The following SPIRE1 variants were observed in gnomAD, a reference collection of about 807,000 sequenced individuals.
The protein encoded by SPIRE1 is spire type actin nucleation factor 1.
In SPIRE1, 40 loss-of-function variants were observed where a neutral mutation model predicts 94.1. The ratio of observed to expected loss-of-function variants is 0.43; its 90% confidence interval spans 0.33 to 0.55. The LOEUF (loss-of-function observed/expected upper bound fraction) is 0.55, where lower values mean the gene tolerates loss of function less well. Among genes scored for constraint, SPIRE1 ranks in the 20% least tolerant of loss-of-function variants. The probability of loss-of-function intolerance (pLI) is 0.06; values close to 1 mark genes in which losing one functional copy is unlikely to be tolerated. For synonymous variants in SPIRE1, 376 were observed against 371.7 expected (o/e 1.01, Z -0.13); for missense variants, 838 against 975.2 (o/e 0.86, Z 1.87).
At chr18:12,454,309 TCTA>T in intron 13 of SPIRE1, 34 bp downstream of exon 13, 1 of 1,612,174 alleles carries the variant, frequency 6.2e-7, no homozygotes, top group Non-Finnish European at 8.5e-7. Flanking sequence ...TGGCCATCCT[TCTA>T]CTCTTCTGAT....
chr18:12,539,587 GCACACACACACA>G (rs57030414), intron 3 of SPIRE1, among the ~76,000 whole-genome samples: 3 of 139,014 alleles, frequency 2.2e-5, no homozygotes, highest in East Asian at 4.1e-4. Flanking sequence ...ACACACACAC[GCACACACACACA>G]CACACACACA....
Position 12,456,494 on chromosome 18 carries a change from C to T in SPIRE1, c.1639-2011G>A, listed in dbSNP as rs564619368. ...GATGGCTAACGATATGACAAAATGG[C>T]TATGCTGCAACAAAATAATGTGGGA... is the stretch of plus-strand genomic sequence containing the variant. On this transcript the variant is annotated intron_variant, in intron 12 of 16. Coordinates refer to ENST00000409402, the MANE Select transcript of SPIRE1 (RefSeq NM_001128626.2). Among the ~76,000 whole-genome samples, 4 of 152,256 alleles carry T rather than the reference C, an allele frequency of 2.6e-5. No homozygotes were observed. In the South Asian group the frequency reaches 8.3e-4, roughly 32 times the overall value.
intron 2 of SPIRE1, among the ~76,000 whole-genome samples, chr18:12,608,615 C>T (rs1460742351): frequency 2.0e-5 from 3 of 152,130 alleles, no homozygotes; most frequent in Non-Finnish European, 2.9e-5. Flanking sequence ...TACCCAATTG[C>T]TCTCTAAAAA....
intron 4 of SPIRE1, among the ~76,000 whole-genome samples, chr18:12,514,134 T>C (rs933740616): frequency 6.6e-6 from 1 of 152,114 alleles, no homozygotes; most frequent in Non-Finnish European, 1.5e-5. Context: ...GTCACCACAC[T>C]TTACCTCATC....
intron 12 of SPIRE1, among the ~76,000 whole-genome samples, chr18:12,461,441 T>TGTACGC (rs2031808095): frequency 7.6e-6 from 1 of 131,666 alleles, no homozygotes; most frequent in Non-Finnish European, 1.6e-5. Flanking sequence ...TGTATGTATA[T>TGTACGC]ACATACATGT....
intron 4 of SPIRE1, among the ~76,000 whole-genome samples, chr18:12,530,960 C>T (rs894882321): frequency 2.6e-5 from 4 of 152,122 alleles, no homozygotes; most frequent in African/African-American, 7.2e-5. Flanking sequence ...ATGCTAGGAA[C>T]GTATCAGAAA....
chr18:12,596,897 CCTTCCT>C (rs2036686376), intron 2 of SPIRE1, among the ~76,000 whole-genome samples: 2 of 145,972 alleles, frequency 1.4e-5, no homozygotes, highest in Admixed American at 1.3e-4. Flanking sequence ...CTGCTAACCC[CCTTCCT>C]GTTTCCTCCT....
chr18:12,648,439 C>A (rs1289789670), intron 1 of SPIRE1, among the ~76,000 whole-genome samples: 1 of 152,106 alleles, frequency 6.6e-6, no homozygotes, highest in East Asian at 1.9e-4. Flanking sequence ...CATAAAAATA[C>A]CAGGCAAGTC....
chr18:12,455,989 A>C (rs372994924), intron 12 of SPIRE1, among the ~76,000 whole-genome samples: 43 of 152,340 alleles, frequency 2.8e-4, no homozygotes, highest in African/African-American at 9.6e-4. Flanking sequence ...TTCTTACTAA[A>C]AATCAATGCA....
At chr18:12,560,086 C>G (rs762937028) in intron 2 of SPIRE1, among the ~76,000 whole-genome samples, 23 of 152,098 alleles carry the variant, frequency 1.5e-4, no homozygotes, top group Non-Finnish European at 2.9e-4. Context: ...AAGGCAATAA[C>G]AAATGCTGGT....
chr18:12,513,038 T>C (rs2034086316), intron 4 of SPIRE1, among the ~76,000 whole-genome samples: 1 of 152,144 alleles, frequency 6.6e-6, no homozygotes, highest in African/African-American at 2.4e-5. Context: ...TAAAATTTTA[T>C]AGCACCATTA....
intron 4 of SPIRE1, among the ~76,000 whole-genome samples, chr18:12,517,693 T>C (rs930526633): frequency 6.6e-6 from 1 of 152,196 alleles, no homozygotes; most frequent in African/African-American, 2.4e-5. Context: ...AATGCCAACA[T>C]TTTCAGTTCC....
At chr18:12,459,940 A>G (rs2031708026) in intron 12 of SPIRE1, 1 of 985,560 alleles carries the variant, frequency 1.0e-6, no homozygotes, top group East Asian at 1.1e-4. Flanking sequence ...TGAACAACAG[A>G]TAAGGGAAAA....
intron 2 of SPIRE1, among the ~76,000 whole-genome samples, chr18:12,618,120 A>G (rs983870092): frequency 6.6e-6 from 1 of 151,678 alleles, no homozygotes; most frequent in Non-Finnish European, 1.5e-5. Flanking sequence ...TATTTTTTTG[A>G]GACAGGAGTC....
chr18:12,549,677 C>T (rs1374288638), intron 2 of SPIRE1, among the ~76,000 whole-genome samples: 1 of 151,776 alleles, frequency 6.6e-6, no homozygotes, highest in Non-Finnish European at 1.5e-5. Context: ...TCTCGATCTC[C>T]TGACCTCGTG....
chr18:12,642,187 C>T (rs750935044), intron 1 of SPIRE1, among the ~76,000 whole-genome samples: 2 of 152,138 alleles, frequency 1.3e-5, no homozygotes, highest in East Asian at 1.9e-4. Context: ...ACCAACAATA[C>T]GTTTGTGTGA....
At chr18:12,555,305 C>CAAA (rs35809260) in intron 2 of SPIRE1, among the ~76,000 whole-genome samples, 6 of 119,410 alleles carry the variant, frequency 5.0e-5, no homozygotes, top group Admixed American at 4.8e-4. Flanking sequence ...AAAGACTTAT[C>CAAA]AAAAAAAAAA....
intron 4 of SPIRE1, among the ~76,000 whole-genome samples, chr18:12,532,566 C>G (rs73407511): frequency 6.6e-6 from 1 of 152,118 alleles, no homozygotes; most frequent in African/African-American, 2.4e-5. Context: ...AAAAATTCCA[C>G]TTGGTACACA....
Position 12,454,322 on chromosome 18 carries a change from T to C in SPIRE1, c.1776+24A>G, listed in dbSNP as rs777463112. The stretch of plus-strand genomic sequence containing the variant: ...ACTGGCCATCCTTCTACTCTTCTGA[T>C]CAATCAACTTTAAACAGCACTACCT... On this transcript the variant is annotated intron_variant, in intron 13 of 16. Transcript: ENST00000409402. The C allele has an allele frequency of 1.6e-5, 26 of 1,613,590 alleles. No homozygotes were observed. The South Asian group carries it at 2.7e-4, about 17-fold the overall frequency.
Sources: allele counts gnomAD v4.1 joint callset (sites outside exome capture counted in the v4.1 genomes callset), GRCh38; gene constraint gnomAD v4.1.1; transcripts MANE v1.5; gene names NCBI Gene and HGNC (gene_info 2026-07-23, HGNC 2026-07-21).